DOCK4: variants seen among roughly 807,000 people sequenced by gnomAD.
The protein encoded by DOCK4 is dedicator of cytokinesis 4.
Under a neutral mutation model 268.1 loss-of-function variants are expected in DOCK4, and 97 were observed. The observed-to-expected ratio is 0.36, with a 90% CI of 0.31 to 0.43. DOCK4 has a LOEUF of 0.43. Among genes scored for constraint, DOCK4 ranks in the 20% least tolerant of loss-of-function variants. DOCK4 has a pLI of 1.00. For synonymous variants in DOCK4, 954 were observed against 887.2 expected (o/e 1.08, Z -1.34); for missense variants, 2,145 against 2,455.7 (o/e 0.87, Z 2.67).
chr7:112,170,550 A>G (rs1818003026), intron 1 of DOCK4, among the ~76,000 whole-genome samples: 1 of 152,180 alleles, frequency 6.6e-6, no homozygotes, highest in Admixed American at 6.5e-5. Context: ...AGACATCGTT[A>G]CAAGCAGAAC....
intron 1 of DOCK4, among the ~76,000 whole-genome samples, chr7:112,189,401 C>T (rs6971023): frequency 0.097 from 14,687 of 152,046 alleles, 841 homozygotes; most frequent in Admixed American, 0.16. Context: ...CAGTACTGAC[C>T]GAAGATTTTC....
intron 41 of DOCK4, among the ~76,000 whole-genome samples, chr7:111,758,244 G>A (rs961813602): frequency 6.6e-6 from 1 of 152,152 alleles, no homozygotes; most frequent in South Asian, 2.1e-4. Context: ...TGAACTTTAC[G>A]TGAAAATAAA....
At position 111,791,070 on chromosome 7, in the gene DOCK4, T is replaced by TTATATATATATATATATATA. The variant is rs35033313; in HGVS notation, c.3167-485_3167-466dup. On this transcript the variant is annotated intron_variant, in intron 30 of 52. Coordinates refer to ENST00000428084, the MANE Select transcript of DOCK4 (RefSeq NM_001363540.2). ...AAGACTCTGTCTCAAAAAAAAAAAA[T>TTATATATATATATATATATA]TATATATATATATATATATATATAT... Among the ~76,000 whole-genome samples, 152 of 95,382 alleles carry TTATATATATATATATATATA rather than the reference T, an allele frequency of 1.6e-3. 2 individuals are homozygous for TTATATATATATATATATATA. Among genetic ancestry groups the TTATATATATATATATATATA allele is most frequent in the African/African-American group, 8.3e-3 (137 of 16,472 alleles). The allele number at this position is 95,382 out of a possible 152,430, so 62.6% of individuals were successfully genotyped here.
intron 1 of DOCK4, among the ~76,000 whole-genome samples, chr7:112,159,837 T>TATGTATAATA (rs1563143233): frequency 0.013 from 1,961 of 148,238 alleles, 44 homozygotes; most frequent in African/African-American, 0.046. Context: ...TATGTATATA[T>TATGTATAATA]ATACATAATA....
At chr7:111,835,541 T>C (rs1401231788) in intron 25 of DOCK4, among the ~76,000 whole-genome samples, 1 of 152,232 alleles carries the variant, frequency 6.6e-6, no homozygotes, top group Non-Finnish European at 1.5e-5. Flanking sequence ...TAATTTAAAA[T>C]GCTTGCATTT....
At chr7:111,778,410 T>C in intron 35 of DOCK4, 41 bp from the exon 36 acceptor site, 1 of 1,334,812 alleles carries the variant, frequency 7.5e-7, no homozygotes, top group East Asian at 2.4e-5. Flanking sequence ...TCCTCAACAA[T>C]CTGGCCTACA....
rs1035479977 is a variant in DOCK4, at chr7:111,947,410, A to G, written c.702-1612T>C. On this transcript the variant is annotated intron_variant, in intron 8 of 52. Coordinates refer to ENST00000428084, the MANE Select transcript of DOCK4 (RefSeq NM_001363540.2). ...TACTTATGTCTATTGCTGACTTCTC[A>G]TATGAGAAAGGGCAGCCAATACATA... Among the ~76,000 whole-genome samples the G allele has an allele frequency of 1.7e-4, 26 of 152,340 alleles. No homozygotes were observed. The East Asian group carries it at 3.9e-3, about 23-fold the overall frequency.
rs1431525104 is a variant in DOCK4, at chr7:111,993,876, A to G, written c.315+259T>C. Among the ~76,000 whole-genome samples, 3 of 152,242 alleles carry G rather than the reference A, an allele frequency of 2.0e-5. No individual in the cohort carries two copies. The East Asian group carries it at 5.8e-4, about 29-fold the overall frequency. On this transcript the variant is annotated intron_variant, in intron 5 of 52. Transcript: ENST00000428084. ...AAAAATATTCAGGAGGTTCAACAAT[A>G]GGTCCATGTAAACCATCCTATTTGG...
At chr7:111,853,917 TTTGTTG>T (rs762690402) in intron 23 of DOCK4, among the ~76,000 whole-genome samples, 2 of 151,818 alleles carry the variant, frequency 1.3e-5, no homozygotes, top group African/African-American at 4.8e-5. Context: ...TCAGTAGCTT[TTTGTTG>T]TTGTTGTTGT....
intron 1 of DOCK4, among the ~76,000 whole-genome samples, chr7:112,092,873 C>A (rs2135768493): frequency 6.6e-6 from 1 of 152,124 alleles, no homozygotes; most frequent in South Asian, 2.1e-4. Context: ...CCCTCCCACA[C>A]CTCAGGATGT....
At chr7:111,794,993 T>A (rs1330010485) in intron 30 of DOCK4, among the ~76,000 whole-genome samples, 2 of 152,198 alleles carry the variant, frequency 1.3e-5, no homozygotes, top group Admixed American at 1.3e-4. Context: ...AAGAAAGCCA[T>A]TTAGGAACTT....
chr7:111,926,144 GAAAAA>G (rs1793628748), intron 12 of DOCK4, among the ~76,000 whole-genome samples: 1 of 133,296 alleles, frequency 7.5e-6, no homozygotes, highest in Non-Finnish European at 1.6e-5. Context: ...AAGAAAGAAA[GAAAAA>G]GAGAAAAAGA....
chr7:111,753,373 G>A (rs370881864), intron 42 of DOCK4, among the ~76,000 whole-genome samples: 1 of 152,116 alleles, frequency 6.6e-6, no homozygotes, highest in South Asian at 2.1e-4. Context: ...TACTTGGGAG[G>A]CTGAGGTGGG....
intron 1 of DOCK4, among the ~76,000 whole-genome samples, chr7:112,082,639 T>C (rs569727557): frequency 3.3e-5 from 5 of 152,246 alleles, no homozygotes; most frequent in African/African-American, 9.6e-5. Flanking sequence ...AAAGGAGATG[T>C]AGAGGTATTT....
At chr7:112,068,755 G>A (rs1236139214) in intron 1 of DOCK4, among the ~76,000 whole-genome samples, 1 of 152,092 alleles carries the variant, frequency 6.6e-6, no homozygotes. Flanking sequence ...CCTCTTGTAG[G>A]CTCTGTAGTT....
chr7:111,998,314 T>A, intron 4 of DOCK4, 134 bp downstream of exon 4: 1 of 708,090 alleles, frequency 1.4e-6, no homozygotes, highest in Middle Eastern at 3.1e-4. Flanking sequence ...GCAATATATC[T>A]TTAACAAAGA....
chr7:111,954,248 G>A (rs1486701895), intron 8 of DOCK4, among the ~76,000 whole-genome samples: 2 of 152,258 alleles, frequency 1.3e-5, no homozygotes, highest in South Asian at 2.1e-4. Context: ...AGCTCAGGCC[G>A]CACTATAAAT....
chr7:112,109,474 T>C lies in DOCK4; in HGVS notation c.37+96628A>G, dbSNP rs560306880. On this transcript the variant is annotated intron_variant, in intron 1 of 52. Transcript: ENST00000428084. Reference sequence around the variant, plus strand: ...CTGTTCTTTTGAAGAAAATGCTCTATAAAGCAGGCAATCTACCTCTCACAT... The same window carrying C: ...CTGTTCTTTTGAAGAAAATGCTCTACAAAGCAGGCAATCTACCTCTCACAT... Among the ~76,000 whole-genome samples, 5 of 152,282 alleles carry C rather than the reference T, an allele frequency of 3.3e-5. No homozygotes were observed. In the South Asian group the frequency reaches 8.3e-4, roughly 25 times the overall value.
chr7:111,732,102 C>T, intron 52 of DOCK4, 124 bp downstream of exon 52: 2 of 970,772 alleles, frequency 2.1e-6, no homozygotes, highest in Non-Finnish European at 1.5e-6. Flanking sequence ...TCCCCTATCC[C>T]TGATTGATAA....
Sources: allele counts gnomAD v4.1 joint callset (sites outside exome capture counted in the v4.1 genomes callset), GRCh38; gene constraint gnomAD v4.1.1; transcripts MANE v1.5; gene names NCBI Gene and HGNC (gene_info 2026-07-23, HGNC 2026-07-21).